Variants in OR1J2 observed in about 807,000 individuals in gnomAD.
The protein encoded by OR1J2 is olfactory receptor 1J2.
For missense variants in OR1J2, 304 were observed against 246.1 expected (o/e 1.24, Z -1.57); for synonymous variants, 142 against 99.7 (o/e 1.42, Z -2.52).
chr9:122,481,993 A>G, the OR1J2 span, among the ~76,000 whole-genome samples: 5 of 152,190 alleles, frequency 3.3e-5, no homozygotes, highest in Admixed American at 6.5e-5. Flanking sequence ...ACAGGTAACA[A>G]AAGCAAAAAT....
chr9:122,551,218 A>G, the OR1J2 span, among the ~76,000 whole-genome samples: 34 of 152,324 alleles, frequency 2.2e-4, no homozygotes, highest in African/African-American at 8.2e-4. Flanking sequence ...GAAACCAACA[A>G]TGATACTAGA....
At chr9:122,447,832 T>C in the OR1J2 span, among the ~76,000 whole-genome samples, 4 of 152,274 alleles carry the variant, frequency 2.6e-5, no homozygotes, top group South Asian at 6.2e-4. Flanking sequence ...ACAGACAAGA[T>C]AAAATAAATT....
the OR1J2 span, among the ~76,000 whole-genome samples, chr9:122,498,972 C>A: frequency 6.6e-6 from 1 of 152,332 alleles, no homozygotes; most frequent in African/African-American, 2.4e-5. Context: ...ATCCCACAAG[C>A]CTATAGATGG....
the OR1J2 span, among the ~76,000 whole-genome samples, chr9:122,495,222 T>C: frequency 6.6e-6 from 1 of 152,212 alleles, no homozygotes; most frequent in Non-Finnish European, 1.5e-5. Flanking sequence ...TATATTTGGA[T>C]GTCTAGATCT....
chr9:122,474,072 A>C, the OR1J2 span, among the ~76,000 whole-genome samples: 1 of 152,050 alleles, frequency 6.6e-6, no homozygotes, highest in Non-Finnish European at 1.5e-5. Context: ...AGTCTCACCC[A>C]TTTCTCTGGG....
At chr9:122,505,853 T>C (rs1486523461), upstream of OR1J2, among the ~76,000 whole-genome samples, 1 of 152,116 alleles carries the variant, frequency 6.6e-6, no homozygotes, top group Non-Finnish European at 1.5e-5. Flanking sequence ...TTTTTGTTCA[T>C]TTAGTTTTCT....
At chr9:122,465,437 C>T in the OR1J2 span, among the ~76,000 whole-genome samples, 1 of 152,110 alleles carries the variant, frequency 6.6e-6, no homozygotes, top group African/African-American at 2.4e-5. Flanking sequence ...TCCTGGGACC[C>T]CTGCAGGCTC....
At chr9:122,454,022 G>A in the OR1J2 span, among the ~76,000 whole-genome samples, 1 of 152,164 alleles carries the variant, frequency 6.6e-6, no homozygotes, top group African/African-American at 2.4e-5. Flanking sequence ...TGTTGCTTAG[G>A]CAGGTCATCA....
the OR1J2 span, chr9:122,520,123 T>G: frequency 7.1e-7 from 1 of 1,414,828 alleles, no homozygotes; most frequent in Non-Finnish European, 9.8e-7. Context: ...ACTGACCTAT[T>G]TCCAGATCAT....
the OR1J2 span, chr9:122,553,283 A>G: frequency 1.5e-5 from 24 of 1,614,038 alleles, no homozygotes; most frequent in African/African-American, 2.1e-4. Context: ...CTGAGTGGCC[A>G]GAGGAGCAGC....
At chr9:122,577,124 T>C in the OR1J2 span, among the ~76,000 whole-genome samples, 1 of 152,200 alleles carries the variant, frequency 6.6e-6, no homozygotes, top group Non-Finnish European at 1.5e-5. Context: ...TTCTAGGAAA[T>C]AAATTGACAG....
At chr9:122,513,808 T>C (rs550788357), downstream of OR1J2, among the ~76,000 whole-genome samples, 1 of 152,076 alleles carries the variant, frequency 6.6e-6, no homozygotes, top group African/African-American at 2.4e-5. Flanking sequence ...GTTTCTCCTC[T>C]TTTCAAAAGG....
chr9:122,538,776 C>T, the OR1J2 span, among the ~76,000 whole-genome samples: 1 of 152,102 alleles, frequency 6.6e-6, no homozygotes, highest in African/African-American at 2.4e-5. Flanking sequence ...TGACATAATT[C>T]AGATACAGAA....
the OR1J2 span, among the ~76,000 whole-genome samples, chr9:122,469,864 G>A: frequency 3.9e-5 from 6 of 152,150 alleles, no homozygotes; most frequent in Admixed American, 1.3e-4. Flanking sequence ...CTAGAGATCC[G>A]TGGAGCTTTG....
At chr9:122,457,659 A>G in the OR1J2 span, among the ~76,000 whole-genome samples, 1 of 152,216 alleles carries the variant, frequency 6.6e-6, no homozygotes, top group Non-Finnish European at 1.5e-5. Context: ...AACTTTAAAA[A>G]ATATGGGCAA....
chr9:122,563,394 A>G, the OR1J2 span, among the ~76,000 whole-genome samples: 1 of 152,204 alleles, frequency 6.6e-6, no homozygotes, highest in Non-Finnish European at 1.5e-5. Context: ...CTTGTTGACC[A>G]TATAGATGTC....
chr9:122,577,559 G>A, the OR1J2 span, among the ~76,000 whole-genome samples: 1 of 152,124 alleles, frequency 6.6e-6, no homozygotes, highest in African/African-American at 2.4e-5. Context: ...AATGAAACTA[G>A]CAATAATGAA....
At position 122,511,559 on chromosome 9, in the gene OR1J2, G is replaced by T. The variant is rs766561932; in HGVS notation, c.758G>T (p.Gly253Val). ...CTCTCTGTGGTGTCTCTCTATTATG[G>T]GTCAATATTTGGCCAGTACCTTTTC... ...SHLSVVSLYYGSIFGQYLFPT... is the reference protein window; with the variant it reads ...SHLSVVSLYYVSIFGQYLFPT... Residue 253 changes from glycine (G) to valine (V), a missense_variant, in exon 1 of 1, where the codon GGG becomes GTG. Transcript: ENST00000335302. The T allele has an allele frequency of 1.3e-6, 1 of 780,930 alleles. No individual in the cohort carries two copies. Among genetic ancestry groups the T allele is most frequent in the Admixed American group, 1.7e-5 (1 of 59,024 alleles). The allele number at this position is 780,930 out of a possible 1,614,324, so 48.4% of individuals were successfully genotyped here.
rs751200672 is a variant in OR1J2 at position 122,510,906 on chromosome 9, C to T, written c.105C>T (p.Tyr35=). The T allele has an allele frequency of 3.7e-6, 6 of 1,612,210 alleles. No homozygotes were observed. In the East Asian group the frequency reaches 1.3e-4, roughly 36 times the overall value. The part of the protein sequence containing the change: ...AVFFTLFLGM[Y]LTTVLGNLLI... ...TCTTCACCCTGTTCCTGGGCATGTA[C>T]CTGACCACGGTGCTGGGGAACCTGC... is the stretch of plus-strand genomic sequence containing the variant. Residue 35 remains tyrosine (Y), a synonymous_variant, in exon 1 of 1, where the codon TAC becomes TAT. Transcript: ENST00000335302.
Sources: gnomAD v4.1 joint callset for allele counts (sites outside exome capture counted in the v4.1 genomes callset) on GRCh38, gnomAD v4.1.1 for gene constraint, MANE v1.5 for transcripts, NCBI Gene and HGNC (gene_info 2026-07-23, HGNC 2026-07-21) for gene names.